The following CTAGE1 variants were observed in gnomAD, a reference collection of about 807,000 sequenced individuals.
CTAGE1 encodes the protein cutaneous T cell lymphoma-associated antigen 1, also known as cTAGE family member 2.
For missense variants in CTAGE1, 963 were observed against 855.9 expected (o/e 1.13, Z -1.56); for synonymous variants, 332 against 302.8 (o/e 1.10, Z -1.00).
In CTAGE1 at chr18:22,417,464, G is replaced by A; in HGVS notation, c.348C>T (p.Leu116=). 6.2e-7 allele frequency: 1 copy of A among 1,613,956 alleles called. No homozygotes were observed. Among genetic ancestry groups the A allele is most frequent in the Non-Finnish European group, 8.5e-7 (1 of 1,179,850 alleles). ...CTTCTTTTAACTCTTTTTCTAGACA[G>A]AGTATTTCATGCACAAGTTCAGAAT... ...RFNSELVHEI[L]CLEKELKEEK... Residue 116 remains leucine, a synonymous_variant, in exon 1 of 1, where the codon CTC becomes CTT. Transcript: ENST00000391403.
chr18:22,415,003 AG>A lies in CTAGE1; in HGVS notation c.*570del. ...AAAGAGGATATAAAATCTATAAGACAGGAGATCCAAGATCATCTTGGTTTAA... is the reference window on the plus strand; with the variant it reads ...AAAGAGGATATAAAATCTATAAGACAGAGATCCAAGATCATCTTGGTTTAA... On this transcript the variant is annotated 3_prime_UTR_variant, in exon 1 of 1. Transcript: ENST00000391403. 6 of 568,552 alleles carry A rather than the reference AG, an allele frequency of 1.1e-5. No homozygotes were observed. The highest frequency in any genetic ancestry group is 7.2e-5 in the South Asian group (3 of 41,728). 35.2% of individuals were successfully genotyped at this position (568,552 alleles called of 1,614,324 possible).
rs2035035226 is a variant in CTAGE1, at chr18:22,417,816, T to C, written c.-5A>G. ...AGGATGAGAATCGGGTCTCATACCT[T>C]CAGTCAGTGCTGCCACAACCCTGCG... is the stretch of plus-strand genomic sequence containing the variant. On this transcript the variant is annotated 5_prime_UTR_variant, in exon 1 of 1. Transcript: ENST00000391403. 6.2e-7 allele frequency: 1 copy of C among 1,614,106 alleles called. No homozygotes were observed. Among genetic ancestry groups the C allele is most frequent in the Non-Finnish European group, 8.5e-7 (1 of 1,179,956 alleles).
rs1382386723 is a variant in CTAGE1, at chr18:22,416,338, G to A, written c.1474C>T (p.Pro492Ser). Residue 492 changes from proline (P) to serine (S), a missense_variant, in exon 1 of 1, where the codon CCA becomes TCA. Coordinates refer to ENST00000391403, the MANE Select transcript of CTAGE1 (RefSeq NM_172241.3). Reference sequence around the variant, plus strand: ...GTTTCAGATGAAGGCCAACCCAATGGTGAGGGACCATATGGGGAATGCTGT... The same window carrying A: ...GTTTCAGATGAAGGCCAACCCAATGATGAGGGACCATATGGGGAATGCTGT... ...GRQHSPYGPS[P>S]LGWPSSETRA... The A allele has an allele frequency of 1.2e-6, 2 of 1,613,850 alleles. No individual in the cohort carries two copies. Among genetic ancestry groups the A allele is most frequent in the Non-Finnish European group, 1.7e-6 (2 of 1,179,886 alleles).
At position 22,417,903 on chromosome 18, in the gene CTAGE1, C is replaced by T; in HGVS notation, c.-92G>A. ...GTTAGCCCTAGGCTCCTCCGTAGCG[C>T]CAAGGCTGCTCTGGCGGTTGCTGCA... On this transcript the variant is annotated 5_prime_UTR_variant, in exon 1 of 1. Transcript: ENST00000391403. 7.9e-7 allele frequency: 1 copy of T among 1,267,272 alleles called. No individual in the cohort carries two copies. The allele number at this position is 1,267,272 out of a possible 1,614,324, so 78.5% of individuals were successfully genotyped here. A position where few individuals can be genotyped will look rare whatever the true frequency, so the allele number is the denominator to read the frequency against.
In CTAGE1 at chr18:22,417,098, A is replaced by G. The variant is rs756321706; in HGVS notation, c.714T>C (p.Thr238=). The change falls in exon 1 of 1, where the codon ACT becomes ACC. Residue 238 remains threonine, a synonymous_variant. Coordinates refer to ENST00000391403, the MANE Select transcript of CTAGE1 (RefSeq NM_172241.3). The stretch of plus-strand genomic sequence containing the variant: ...CATCTTTCATCTTTAGCAAGCGTTC[A>G]GTCAGAGTCTTGATGTGATTTTCTT... ...NDKENHIKTL[T]ERLLKMKDGV... 6.2e-7 allele frequency: 1 copy of G among 1,613,944 alleles called. No homozygotes were observed. The highest frequency in any genetic ancestry group is 8.5e-7 in the Non-Finnish European group (1 of 1,179,840).
In CTAGE1 at chr18:22,415,802, A is replaced by G. The variant is rs749691425; in HGVS notation, c.2010T>C (p.Gly670=). The change falls in exon 1 of 1, where the codon GGT becomes GGC. Residue 670 remains glycine, a synonymous_variant. Coordinates refer to ENST00000391403, the MANE Select transcript of CTAGE1 (RefSeq NM_172241.3). Reference sequence around the variant, plus strand: ...CCCTTGTATCTACTGGAAACAATAAACCTCTGATTGGAGCAAGAGGTGGAG... The same window carrying G: ...CCCTTGTATCTACTGGAAACAATAAGCCTCTGATTGGAGCAAGAGGTGGAG... ...FVPPPLAPIR[G]LLFPVDTRGP... 1 of 1,613,842 alleles carries G rather than the reference A, an allele frequency of 6.2e-7. No individual in the cohort carries two copies. Among genetic ancestry groups the G allele is most frequent in the East Asian group, 2.2e-5 (1 of 44,874 alleles).
chr18:22,414,376 CTTTTA>C lies in CTAGE1; in HGVS notation c.*1193_*1197del. On this transcript the variant is annotated 3_prime_UTR_variant, in exon 1 of 1. Transcript: ENST00000391403. ...CCTCATGTCTCAAATAGTTACTTTT[CTTTTA>C]TTTTATTACATTCAAGCAGAGACTG... The C allele has an allele frequency of 2.8e-6, 1 of 363,292 alleles. No homozygotes were observed. The allele number at this position is 363,292 out of a possible 1,614,324, so 22.5% of individuals were successfully genotyped here. A position where few individuals can be genotyped will look rare whatever the true frequency, so the allele number is the denominator to read the frequency against.
In CTAGE1 at chr18:22,416,134, C is replaced by T. The variant is rs1159335093; in HGVS notation, c.1678G>A (p.Asp560Asn). The change falls in exon 1 of 1, where the codon GAC becomes AAC. Residue 560 changes from aspartate (D) to asparagine (N), a missense_variant. Coordinates refer to ENST00000391403, the MANE Select transcript of CTAGE1 (RefSeq NM_172241.3). Reference protein sequence around the residue: ...RLTDPHRAPSDAGPLAPPWEQ... With the variant: ...RLTDPHRAPSNAGPLAPPWEQ... ...CACGGAGGTGCCAGGGGCCCAGCGT[C>T]AGAAGGAGCCCTGTGAGGATCAGTT... 6.2e-7 allele frequency: 1 copy of T among 1,613,848 alleles called. No individual in the cohort carries two copies. The highest frequency in any genetic ancestry group is 1.3e-5 in the African/African-American group (1 of 74,914).
rs769742260 is a variant in CTAGE1 at position 22,416,203 on chromosome 18, G to A, written c.1609C>T (p.His537Tyr). The A allele has an allele frequency of 2.5e-6, 4 of 1,613,910 alleles. No individual in the cohort carries two copies. The Admixed American group carries it at 6.7e-5, about 27-fold the overall frequency. Reference protein sequence around the residue: ...GSRGPGNPPDHQITKERGESS... With the variant: ...GSRGPGNPPDYQITKERGESS... ...TCTCCTCTTTCTTTGGTAATCTGAT[G>A]GTCCGGAGGATTCCCTGGGCCTCTG... is the stretch of plus-strand genomic sequence containing the variant. Residue 537 changes from histidine (H) to tyrosine (Y), a missense_variant, in exon 1 of 1, where the codon CAT (histidine) becomes TAT (tyrosine). His to Tyr is a moderately conservative substitution (Grantham distance 83). Coordinates refer to ENST00000391403, the MANE Select transcript of CTAGE1 (RefSeq NM_172241.3).
rs780250842 is a variant in CTAGE1, at chr18:22,416,607, C to T, written c.1205G>A (p.Arg402Gln). ...SHATEELETY[R>Q]KRAKDLKEFE... ...TTCTTTAAGATCTTTGGCTCGCTTT[C>T]GGTAGGTCTCCAGCTCTTCAGTGGC... is the stretch of plus-strand genomic sequence containing the variant. Residue 402 changes from arginine to glutamine, a missense_variant, in exon 1 of 1, where the codon CGA (arginine) becomes CAA (glutamine). Coordinates refer to ENST00000391403, the MANE Select transcript of CTAGE1 (RefSeq NM_172241.3). The T allele has an allele frequency of 1.1e-5, 18 of 1,611,432 alleles. No homozygotes were observed. The East Asian group carries it at 2.9e-4, about 26-fold the overall frequency.
Position 22,416,726 on chromosome 18 carries a change from A to C in CTAGE1, c.1086T>G (p.Asn362Lys), listed in dbSNP as rs1468884811. 1.2e-6 allele frequency: 2 copies of C among 1,612,084 alleles called. No individual in the cohort carries two copies. The highest frequency in any genetic ancestry group is 2.2e-5 in the South Asian group (2 of 90,392). ...LKVMTELYQE[N>K]EMKLYRKLIV... ...TTAATTTCCTGTAGAGTTTCATTTC[A>C]TTTTCTTGATATAATTCAGTCATTA... Residue 362 changes from asparagine (N) to lysine (K), a missense_variant, in exon 1 of 1, where the codon AAT (asparagine) becomes AAG (lysine). Coordinates refer to ENST00000391403, the MANE Select transcript of CTAGE1 (RefSeq NM_172241.3).
rs987044949 is a variant in CTAGE1, at chr18:22,415,827, G to A, written c.1985C>T (p.Pro662Leu). 3 of 1,613,942 alleles carry A rather than the reference G, an allele frequency of 1.9e-6. No individual in the cohort carries two copies. The highest frequency in any genetic ancestry group is 2.5e-6 in the Non-Finnish European group (3 of 1,179,866). ...ACCTCTGATTGGAGCAAGAGGTGGA[G>A]GAACAAAGCCAGGGCCAGTTGCTTC... ...ENEATGPGFV[P>L]PPLAPIRGLL... Residue 662 changes from proline (P) to leucine (L), a missense_variant, in exon 1 of 1, where the codon CCT becomes CTT. Pro to Leu is a moderately conservative substitution (Grantham distance 98). Transcript: ENST00000391403.
chr18:22,417,838 T>A lies in CTAGE1; in HGVS notation c.-27A>T. On this transcript the variant is annotated 5_prime_UTR_variant, in exon 1 of 1. Transcript: ENST00000391403. ...CCTTCAGTCAGTGCTGCCACAACCC[T>A]GCGTAGCAACTCCAGGACCAGCCCC... 2 of 1,611,592 alleles carry A rather than the reference T, an allele frequency of 1.2e-6. No individual in the cohort carries two copies. Among genetic ancestry groups the A allele is most frequent in the Non-Finnish European group, 1.7e-6 (2 of 1,177,780 alleles).
chr18:22,416,327 C>T lies in CTAGE1; in HGVS notation c.1485G>A (p.Trp495Ter), dbSNP rs1186803792. 1 of 1,613,818 alleles carries T rather than the reference C, an allele frequency of 6.2e-7. No individual in the cohort carries two copies. Among genetic ancestry groups the T allele is most frequent in the Non-Finnish European group, 8.5e-7 (1 of 1,179,874 alleles). Residue 495 changes from tryptophan (W) to a stop codon, truncating the protein, a stop_gained, in exon 1 of 1, where the codon TGG becomes TGA. Transcript: ENST00000391403. LOFTEE classifies it low-confidence loss of function (END_TRUNC). ...HSPYGPSPLG[W>*]PSSETRASLY... ...GAGAAGCTCTCGTTTCAGATGAAGGCCAACCCAATGGTGAGGGACCATATG... is the reference window on the plus strand; with the variant it reads ...GAGAAGCTCTCGTTTCAGATGAAGGTCAACCCAATGGTGAGGGACCATATG...
chr18:22,417,905 A>G lies in CTAGE1; in HGVS notation c.-94T>C, dbSNP rs1211793710. On this transcript the variant is annotated 5_prime_UTR_variant, in exon 1 of 1. Transcript: ENST00000391403. The stretch of plus-strand genomic sequence containing the variant: ...TAGCCCTAGGCTCCTCCGTAGCGCC[A>G]AGGCTGCTCTGGCGGTTGCTGCAGT... The G allele has an allele frequency of 8.0e-7, 1 of 1,246,672 alleles. No individual in the cohort carries two copies. Among genetic ancestry groups the G allele is most frequent in the Non-Finnish European group, 1.2e-6 (1 of 866,812 alleles). 77.2% of individuals were successfully genotyped at this position (1,246,672 alleles called of 1,614,324 possible). A position where few individuals can be genotyped will look rare whatever the true frequency, so the allele number is the denominator to read the frequency against.
rs2034977560 is a variant in CTAGE1 at position 22,413,786 on chromosome 18, T to A, written c.*1788A>T. 6.6e-6 allele frequency: 1 copy of A among 152,202 alleles called. No homozygotes were observed. Among genetic ancestry groups the A allele is most frequent in the Non-Finnish European group, 1.5e-5 (1 of 68,026 alleles). 9.4% of individuals were successfully genotyped at this position (152,202 alleles called of 1,614,324 possible). Reference sequence around the variant, plus strand: ...CATTCAGGCCTATTCTGGGGAAAGGTGGCAAAGTAGACACAAAGAGATGAC... The same window carrying A: ...CATTCAGGCCTATTCTGGGGAAAGGAGGCAAAGTAGACACAAAGAGATGAC... On this transcript the variant is annotated 3_prime_UTR_variant, in exon 1 of 1. Coordinates refer to ENST00000391403, the MANE Select transcript of CTAGE1 (RefSeq NM_172241.3).
At position 22,416,206 on chromosome 18, in the gene CTAGE1, C is replaced by G. The variant is rs1414597384; in HGVS notation, c.1606G>C (p.Asp536His). The G allele has an allele frequency of 1.2e-6, 2 of 1,613,780 alleles. No homozygotes were observed. The highest frequency in any genetic ancestry group is 1.7e-6 in the Non-Finnish European group (2 of 1,179,870). Residue 536 changes from aspartate to histidine, a missense_variant, in exon 1 of 1, where the codon GAC becomes CAC. Transcript: ENST00000391403. ...CCTCTTTCTTTGGTAATCTGATGGTCCGGAGGATTCCCTGGGCCTCTGGAG... is the reference window on the plus strand; with the variant it reads ...CCTCTTTCTTTGGTAATCTGATGGTGCGGAGGATTCCCTGGGCCTCTGGAG... ...RGSRGPGNPP[D>H]HQITKERGES...
rs370961898 is a variant in CTAGE1, at chr18:22,415,773, G to A, written c.2039C>T (p.Pro680Leu). The change falls in exon 1 of 1, where the codon CCG becomes CTG. Residue 680 changes from proline (P) to leucine (L), a missense_variant. Pro to Leu is a moderately conservative substitution (Grantham distance 98, BLOSUM62 -3). Transcript: ENST00000391403. ...GLLFPVDTRG[P>L]FIRRGPPFPP... The stretch of plus-strand genomic sequence containing the variant: ...GAAAGGAGGTCCTCTTCTTATGAAC[G>A]GGCCCCTTGTATCTACTGGAAACAA... The A allele has an allele frequency of 1.9e-4, 303 of 1,613,754 alleles. No individual in the cohort carries two copies. Among genetic ancestry groups the A allele is most frequent in the East Asian group, 5.1e-4 (23 of 44,892 alleles).
At position 22,414,590 on chromosome 18, in the gene CTAGE1, A is replaced by T; in HGVS notation, c.*984T>A. On this transcript the variant is annotated 3_prime_UTR_variant, in exon 1 of 1. Transcript: ENST00000391403. ...CTTTTAACAGAATTCCAGAGAAGAG[A>T]GCTCAATCAGAGATCAAATTCACCA... 1.5e-6 allele frequency: 1 copy of T among 674,414 alleles called. No homozygotes were observed. The highest frequency in any genetic ancestry group is 2.7e-6 in the Non-Finnish European group (1 of 373,672). 41.8% of individuals were successfully genotyped at this position (674,414 alleles called of 1,614,324 possible).
Sources: gnomAD v4.1 joint callset for allele counts on GRCh38, gnomAD v4.1.1 for gene constraint, MANE v1.5 for transcripts, NCBI Gene and HGNC (gene_info 2026-07-23, HGNC 2026-07-21) for gene names.